GABRB1: variants seen among roughly 807,000 people sequenced by gnomAD.
GABRB1 encodes gamma-aminobutyric acid type A receptor subunit beta1, also known as gamma-aminobutyric acid receptor subunit beta-1.
Under a neutral mutation model 51.6 loss-of-function variants are expected in GABRB1, and 17 were observed. That is an observed-to-expected ratio of 0.33 (90% CI 0.23 to 0.49). The LOEUF is 0.49. GABRB1 is among the 20% of genes least tolerant of loss of function. The probability of loss-of-function intolerance (pLI) is 0.99; values close to 1 mark genes in which losing one functional copy is unlikely to be tolerated. For missense variants in GABRB1, 410 were observed against 600.6 expected (o/e 0.68, Z 3.32); for synonymous variants, 247 against 218.9 (o/e 1.13, Z -1.14).
chr4:47,012,292 C>G (rs1724604811), intron 1 of GABRB1, among the ~76,000 whole-genome samples: 1 of 152,124 alleles, frequency 6.6e-6, no homozygotes, highest in African/African-American at 2.4e-5. Context: ...TATTTCATCA[C>G]CCAGGTATTA....
intron 3 of GABRB1, among the ~76,000 whole-genome samples, chr4:47,108,591 T>A (rs1168366973): frequency 6.6e-6 from 1 of 152,086 alleles, no homozygotes; most frequent in African/African-American, 2.4e-5. Flanking sequence ...AATCAAGTTT[T>A]AACAAATAAT....
intron 4 of GABRB1, among the ~76,000 whole-genome samples, chr4:47,169,675 G>T (rs1159942790): frequency 6.6e-6 from 1 of 151,980 alleles, no homozygotes; most frequent in Non-Finnish European, 1.5e-5. Context: ...CTAATTTTTT[G>T]TATTTTTGTA....
intron 3 of GABRB1, among the ~76,000 whole-genome samples, chr4:47,039,568 G>A (rs1025235339): frequency 6.6e-6 from 1 of 152,036 alleles, no homozygotes; most frequent in East Asian, 1.9e-4. Flanking sequence ...CTATGTGGTA[G>A]GTGCTATGAT....
intron 3 of GABRB1, among the ~76,000 whole-genome samples, chr4:47,053,524 T>C (rs1436206994): frequency 6.6e-6 from 1 of 152,170 alleles, no homozygotes. Flanking sequence ...ATCCCCACCT[T>C]CTAATGCCAT....
intron 4 of GABRB1, among the ~76,000 whole-genome samples, chr4:47,231,890 G>C (rs1357773275): frequency 6.6e-6 from 1 of 152,162 alleles, no homozygotes; most frequent in Non-Finnish European, 1.5e-5. Flanking sequence ...GCAACAAATT[G>C]GTGATGCTGA....
intron 8 of GABRB1, among the ~76,000 whole-genome samples, chr4:47,416,053 C>T (rs773079738): frequency 3.9e-5 from 6 of 152,176 alleles, no homozygotes; most frequent in Non-Finnish European, 7.3e-5. Flanking sequence ...AAAGCACCTG[C>T]CCTCCTGGAG....
chr4:47,112,115 G>C (rs1373983807), intron 3 of GABRB1, among the ~76,000 whole-genome samples: 1 of 151,578 alleles, frequency 6.6e-6, no homozygotes, highest in Non-Finnish European at 1.5e-5. Flanking sequence ...GACTACAGGC[G>C]TGTGCCACCA....
chr4:47,104,411 C>T (rs1302289883), intron 3 of GABRB1, among the ~76,000 whole-genome samples: 2 of 151,630 alleles, frequency 1.3e-5, no homozygotes, highest in East Asian at 3.9e-4. Flanking sequence ...CTTCTTTAAG[C>T]TTAATGCATC....
At chr4:47,212,437 G>C (rs541714054) in intron 4 of GABRB1, among the ~76,000 whole-genome samples, 1 of 152,184 alleles carries the variant, frequency 6.6e-6, no homozygotes, top group Non-Finnish European at 1.5e-5. Flanking sequence ...AGCACTTTGG[G>C]AGGCTGAGGC....
chr4:47,070,364 T>TC (rs1727279536), intron 3 of GABRB1, among the ~76,000 whole-genome samples: 1 of 145,294 alleles, frequency 6.9e-6, no homozygotes, highest in Admixed American at 6.8e-5. Context: ...GAGTTTTCAC[T>TC]CTTTTTGCCC....
intron 3 of GABRB1, among the ~76,000 whole-genome samples, chr4:47,159,514 T>A (rs943236227): frequency 1.3e-5 from 2 of 152,018 alleles, no homozygotes; most frequent in South Asian, 4.1e-4. Flanking sequence ...GGGTTATTTT[T>A]TTTTTTTTAC....
chr4:47,323,000 T>C (rs200706661), intron 5 of GABRB1, among the ~76,000 whole-genome samples: 16 of 147,862 alleles, frequency 1.1e-4, no homozygotes, highest in African/African-American at 2.4e-4. Flanking sequence ...ACAACAACAA[T>C]AATAATAATA....
intron 4 of GABRB1, among the ~76,000 whole-genome samples, chr4:47,247,736 C>A (rs1282504316): frequency 1.3e-5 from 2 of 151,906 alleles, no homozygotes; most frequent in African/African-American, 2.4e-5. Context: ...CTTTTGACTC[C>A]TTGGTTAGGT....
chr4:47,086,621 G>T (rs116403564), intron 3 of GABRB1, among the ~76,000 whole-genome samples: 14 of 152,122 alleles, frequency 9.2e-5, no homozygotes, highest in African/African-American at 3.4e-4. Flanking sequence ...AAGTCAAGTC[G>T]AAACTTAAAC....
At chr4:47,049,828 T>G (rs571046351) in intron 3 of GABRB1, among the ~76,000 whole-genome samples, 38 of 152,334 alleles carry the variant, frequency 2.5e-4, no homozygotes, top group Middle Eastern at 3.4e-3. Context: ...AACAGCTAAC[T>G]TGAAATAAAT....
intron 5 of GABRB1, among the ~76,000 whole-genome samples, chr4:47,393,044 T>C (rs1578141988): frequency 6.6e-6 from 1 of 152,122 alleles, no homozygotes; most frequent in Admixed American, 6.6e-5. Context: ...ATGTCAGAGG[T>C]AGTGTTTGAA....
At position 47,404,489 on chromosome 4, in the gene GABRB1, GCACACACACACA is replaced by G. The variant is rs56335154; in HGVS notation, c.835+807_835+818del. 6.3e-3 allele frequency among the ~76,000 whole-genome samples: 913 copies of G among 145,640 alleles called. 9 individuals are homozygous for G. Among genetic ancestry groups the G allele is most frequent in the African/African-American group, 0.021 (838 of 39,696 alleles). ...CTGGGGCTAATTCTCACACACGCAT[GCACACACACACA>G]CACACACACACACACACACACACAC... On this transcript the variant is annotated intron_variant, in intron 7 of 8. Transcript: ENST00000295454.
chr4:47,103,724 G>A (rs1185932909), intron 3 of GABRB1, among the ~76,000 whole-genome samples: 1 of 151,714 alleles, frequency 6.6e-6, no homozygotes, highest in East Asian at 1.9e-4. Flanking sequence ...TAATTTTGGG[G>A]TCTATAATAG....
chr4:47,161,792 T>C (rs1260177732), intron 4 of GABRB1, among the ~76,000 whole-genome samples: 2 of 152,078 alleles, frequency 1.3e-5, no homozygotes, highest in African/African-American at 2.4e-5. Context: ...GAAACCTATA[T>C]ATTCATAAAC....
Sources: gnomAD v4.1 joint callset for allele counts (sites outside exome capture counted in the v4.1 genomes callset) on GRCh38, gnomAD v4.1.1 for gene constraint, MANE v1.5 for transcripts, NCBI Gene and HGNC (gene_info 2026-07-23, HGNC 2026-07-21) for gene names.